PICALM: variants seen among roughly 807,000 people sequenced by gnomAD.
The protein encoded by PICALM is phosphatidylinositol binding clathrin assembly protein.
In PICALM, 40 loss-of-function variants were observed where a neutral mutation model predicts 80.5. The ratio of observed to expected loss-of-function variants is 0.50; its 90% CI spans 0.39 to 0.65. PICALM has a LOEUF of 0.65. PICALM is among the 30% of genes least tolerant of loss of function. The pLI is 0.00. For synonymous variants in PICALM, 288 were observed against 260.3 expected (o/e 1.11, Z -1.02); for missense variants, 676 against 778.9 (o/e 0.87, Z 1.57).
At chr11:85,976,781 T>C (rs1409964157) in intron 17 of PICALM, 99 bp from the exon 18 acceptor site, 5 of 718,240 alleles carry the variant, frequency 7.0e-6, no homozygotes, top group East Asian at 2.6e-5. Context: ...AAAGAATTGC[T>C]AAGACAGCTG....
At chr11:86,069,333 G>C (rs1211731943), upstream of PICALM, 9 of 160,262 alleles carry the variant, frequency 5.6e-5, no homozygotes, top group Admixed American at 5.8e-4. Flanking sequence ...CCTGCCAACA[G>C]GTCGCCTGAG....
intron 11 of PICALM, among the ~76,000 whole-genome samples, 153 bp from the exon 12 acceptor site, chr11:85,997,082 G>T (rs1419369959): frequency 6.6e-6 from 1 of 152,130 alleles, no homozygotes; most frequent in Non-Finnish European, 1.5e-5. Flanking sequence ...TTCTTCATAT[G>T]ACAGCATATT....
intron 7 of PICALM, among the ~76,000 whole-genome samples, chr11:86,007,883 C>T (rs910120971): frequency 6.6e-6 from 1 of 151,744 alleles, no homozygotes; most frequent in Non-Finnish European, 1.5e-5. Context: ...ACTCCCCTCT[C>T]TTCTATGTGT....
intron 1 of PICALM, among the ~76,000 whole-genome samples, chr11:86,048,072 G>A (rs1274429227): frequency 6.6e-6 from 1 of 152,076 alleles, no homozygotes. Flanking sequence ...CTGCACTCCA[G>A]CCTGGGCAAC....
chr11:85,970,522 T>G (rs1417823416), intron 19 of PICALM, among the ~76,000 whole-genome samples: 1 of 152,202 alleles, frequency 6.6e-6, no homozygotes, highest in African/African-American at 2.4e-5. Flanking sequence ...TATATTTAGA[T>G]TCACCTCCTT....
chr11:86,064,676 A>C (rs201999662), intron 1 of PICALM, among the ~76,000 whole-genome samples: 1 of 151,440 alleles, frequency 6.6e-6, no homozygotes, highest in East Asian at 1.9e-4. Context: ...AAAAGGAGAC[A>C]TTACAGCCAT....
chr11:86,044,375 C>T (rs1163820318), intron 1 of PICALM, among the ~76,000 whole-genome samples: 1 of 152,220 alleles, frequency 6.6e-6, no homozygotes, highest in African/African-American at 2.4e-5. Context: ...GAAGGCCTCC[C>T]ATTCATTCTA....
intron 11 of PICALM, among the ~76,000 whole-genome samples, chr11:86,000,269 T>C (rs1050190897): frequency 1.3e-5 from 2 of 152,208 alleles, no homozygotes; most frequent in African/African-American, 4.8e-5. Flanking sequence ...ACGTTTAATA[T>C]CTAATGAAAT....
chr11:85,986,656 C>T (rs2094582341), intron 13 of PICALM, among the ~76,000 whole-genome samples: 2 of 152,110 alleles, frequency 1.3e-5, no homozygotes, highest in East Asian at 3.9e-4. Flanking sequence ...TCCCAGAGTG[C>T]TGGGATTACA....
chr11:86,012,240 A>G (rs566184181), intron 6 of PICALM, 41 bp downstream of exon 6: 291 of 1,107,840 alleles, frequency 2.6e-4, no homozygotes, highest in Non-Finnish European at 3.4e-4. Context: ...TATCCATATG[A>G]CACAAGATAA....
At chr11:86,065,811 T>C (rs1323326292) in intron 1 of PICALM, among the ~76,000 whole-genome samples, 2 of 152,224 alleles carry the variant, frequency 1.3e-5, no homozygotes, top group African/African-American at 4.8e-5. Context: ...AGTAAGTATA[T>C]AATGTAGTAT....
intron 8 of PICALM, 199 bp from the exon 9 acceptor site, chr11:86,003,650 A>C (rs1435354712): frequency 1.8e-5 from 7 of 382,802 alleles, no homozygotes; most frequent in Non-Finnish European, 3.2e-5. Flanking sequence ...AGATATTAAG[A>C]AACATTATCA....
chr11:86,019,947 A>G (rs2095537971), intron 4 of PICALM, among the ~76,000 whole-genome samples: 1 of 152,212 alleles, frequency 6.6e-6, no homozygotes, highest in Admixed American at 6.5e-5. Flanking sequence ...TGTACATGCC[A>G]GATTCCCTTC....
intron 1 of PICALM, 151 bp downstream of exon 1, chr11:86,068,500 A>G: frequency 1.4e-6 from 1 of 691,402 alleles, no homozygotes; most frequent in Middle Eastern, 4.1e-4. Flanking sequence ...GAAGCAAAAG[A>G]ACACAGCTCA....
At chr11:86,035,592 T>C (rs2095826564) in intron 1 of PICALM, among the ~76,000 whole-genome samples, 1 of 152,184 alleles carries the variant, frequency 6.6e-6, no homozygotes, top group Non-Finnish European at 1.5e-5. Flanking sequence ...GAACTTCTTT[T>C]TTACACCTGC....
intron 1 of PICALM, among the ~76,000 whole-genome samples, chr11:86,039,101 ACTCT>A (rs2095899896): frequency 2.4e-5 from 2 of 82,476 alleles, no homozygotes; most frequent in Non-Finnish European, 4.8e-5. Flanking sequence ...ACAGAGTGAG[ACTCT>A]ATCTCAAAAA....
rs942670698 is a variant in PICALM, at chr11:85,975,824, CA to C, written c.1839+798del. On this transcript the variant is annotated intron_variant, in intron 18 of 19. Transcript: ENST00000393346. The stretch of plus-strand genomic sequence containing the variant: ...ATTGGTCAGGCTGGTCTTGAACTCC[CA>C]ACCTCAGGTGATCCACCCACCTTGG... 1.3e-3 allele frequency among the ~76,000 whole-genome samples: 198 copies of C among 152,014 alleles called. 2 individuals carry two copies. Among genetic ancestry groups the C allele is most frequent in the African/African-American group, 4.6e-3 (192 of 41,470 alleles).
In PICALM at chr11:86,036,252, G is replaced by T. The variant is rs150416134; in HGVS notation, c.131-4641C>A. Among the ~76,000 whole-genome samples the T allele has an allele frequency of 3.2e-3, 482 of 152,198 alleles. 3 individuals are homozygous for T. Among genetic ancestry groups the T allele is most frequent in the African/African-American group, 0.011 (463 of 41,530 alleles). On this transcript the variant is annotated intron_variant, in intron 1 of 19. Coordinates refer to ENST00000393346, the MANE Select transcript of PICALM (RefSeq NM_007166.4). ...TAAACACAGGCAAATTTGCCTAGTCGTAAGTGTCAATGTCCAGGAAATGAA... is the reference window on the plus strand; with the variant it reads ...TAAACACAGGCAAATTTGCCTAGTCTTAAGTGTCAATGTCCAGGAAATGAA...
chr11:86,055,654 A>G (rs2096257564), intron 1 of PICALM, among the ~76,000 whole-genome samples: 1 of 152,090 alleles, frequency 6.6e-6, no homozygotes, highest in Non-Finnish European at 1.5e-5. Context: ...AAGATTAAAA[A>G]CCCAAATATC....
Sources: gnomAD v4.1 joint callset for allele counts (sites outside exome capture counted in the v4.1 genomes callset) on GRCh38, gnomAD v4.1.1 for gene constraint, MANE v1.5 for transcripts, NCBI Gene and HGNC (gene_info 2026-07-23, HGNC 2026-07-21) for gene names.